The following PLCH2 variants were observed in gnomAD, a reference collection of about 807,000 sequenced individuals.
PLCH2 encodes 1-phosphatidylinositol 4,5-bisphosphate phosphodiesterase eta-2.
PLCH2 carries 98 observed loss-of-function variants against 134.7 expected under a neutral mutation model. The ratio of observed to expected loss-of-function variants is 0.73; its 90% confidence interval spans 0.62 to 0.86. The LOEUF (loss-of-function observed/expected upper bound fraction) is 0.86, where lower values mean the gene tolerates loss of function less well. Ranked by LOEUF, PLCH2 falls within the 40% of genes least tolerant of loss-of-function variation. The pLI is 0.00. For synonymous variants in PLCH2, 974 were observed against 827.5 expected (o/e 1.18, Z -3.04); for missense variants, 1,994 against 1,986.6 (o/e 1.00, Z -0.07).
At chr1:2,489,123 A>T in intron 8 of PLCH2, 84 bp from the exon 9 acceptor site, 3 of 1,247,030 alleles carry the variant, frequency 2.4e-6, no homozygotes, top group Non-Finnish European at 3.4e-6. Context: ...AATGGTTTAG[A>T]TGACCTGGGA....
chr1:2,486,847 C>T, intron 5 of PLCH2, 60 bp from the exon 6 acceptor site: 2 of 1,350,214 alleles, frequency 1.5e-6, no homozygotes, highest in Non-Finnish European at 2.1e-6. Context: ...GGGGGAGCTG[C>T]CTGAGGCTAT....
rs368430258 is a variant in PLCH2, at chr1:2,489,372, C to T, written c.1401C>T (p.Leu467=). The change falls in exon 9 of 22, where the codon CTC becomes CTT. Residue 467 remains leucine (L), a synonymous_variant. Coordinates refer to ENST00000378486, the MANE Select transcript of PLCH2 (RefSeq NM_014638.4). ...PSPQMLKGKI[L]VKGKKLPANI... is the part of the protein sequence containing the mutation. ...CACAGATGCTCAAGGGCAAGATCCTCGTGAAGGTGAGTGAGCCCCTGCCCT... is the reference window on the plus strand; with the variant it reads ...CACAGATGCTCAAGGGCAAGATCCTTGTGAAGGTGAGTGAGCCCCTGCCCT... 185 of 1,613,508 alleles carry T rather than the reference C, an allele frequency of 1.1e-4. 1 individual carries two copies. In the East Asian group the frequency reaches 2.1e-3, roughly 19 times the overall value.
chr1:2,492,066 G>A (rs974562755), intron 11 of PLCH2, among the ~76,000 whole-genome samples: 12 of 152,236 alleles, frequency 7.9e-5, no homozygotes, highest in Admixed American at 1.3e-4. Context: ...CTGGTGCCTG[G>A]AGAGCCCTAC....
Position 2,504,715 on chromosome 1 carries a change from T to C in PLCH2, c.3753T>C (p.Ala1251=). 3 of 1,612,552 alleles carry C rather than the reference T, an allele frequency of 1.9e-6. No individual in the cohort carries two copies. The highest frequency in any genetic ancestry group is 2.5e-6 in the Non-Finnish European group (3 of 1,179,784). Residue 1251 remains alanine, a synonymous_variant, in exon 22 of 22, where the codon GCT becomes GCC. Transcript: ENST00000378486. ...TGGGCGTGCAGGACTGCCCCGTGGC[T>C]GCCAAGTCCAAGAGCCTGGGCGACC... ...SLVGVQDCPV[A]AKSKSLGDLT... is the part of the protein sequence containing the mutation.
At chr1:2,416,060 C>CG in the PLCH2 span, among the ~76,000 whole-genome samples, 1 of 152,206 alleles carries the variant, frequency 6.6e-6, no homozygotes, top group Non-Finnish European at 1.5e-5. Context: ...TGGGCAGCCC[C>CG]GCAGGTGATC....
upstream of PLCH2, among the ~76,000 whole-genome samples, chr1:2,472,446 G>C (rs938584310): frequency 3.3e-5 from 5 of 152,210 alleles, no homozygotes; most frequent in Admixed American, 2.0e-4. Context: ...CGAGGGGCAG[G>C]GGGGCGCGGA....
chr1:2,479,566 G>T, intron 2 of PLCH2, 168 bp from the exon 3 acceptor site: 1 of 642,852 alleles, frequency 1.6e-6, no homozygotes, highest in Non-Finnish European at 2.7e-6. Context: ...GTGCAGTCTC[G>T]CAGATCTTCA....
intron 1 of PLCH2, among the ~76,000 whole-genome samples, chr1:2,468,723 A>G (rs1641188740): frequency 6.6e-6 from 1 of 152,154 alleles, no homozygotes; most frequent in Admixed American, 6.5e-5. Flanking sequence ...ATTGGCATGG[A>G]CACGTGGGGT....
At chr1:2,469,781 G>A (rs965944414) in intron 1 of PLCH2, among the ~76,000 whole-genome samples, 2 of 152,214 alleles carry the variant, frequency 1.3e-5, no homozygotes, top group Non-Finnish European at 2.9e-5. Flanking sequence ...GTGGGCGCGG[G>A]CCTCCCGTGT....
At position 2,490,172 on chromosome 1, in the gene PLCH2, GGGTCC is replaced by G. The variant is rs1642495564; in HGVS notation, c.1515+306_1515+310del. ...GTAAGTGGGGGCAGCACTGGGGGCT[GGGTCC>G]CACGCCAGACTCCACCCCATTCCCA... On this transcript the variant is annotated intron_variant, in intron 10 of 21. Coordinates refer to ENST00000378486, the MANE Select transcript of PLCH2 (RefSeq NM_014638.4). 4.6e-5 allele frequency among the ~76,000 whole-genome samples: 7 copies of G among 152,306 alleles called. No individual in the cohort carries two copies. The South Asian group carries it at 1.4e-3, about 32-fold the overall frequency.
intron 2 of PLCH2, among the ~76,000 whole-genome samples, chr1:2,446,715 C>T (rs1639960399): frequency 6.6e-6 from 1 of 152,222 alleles, no homozygotes; most frequent in Non-Finnish European, 1.5e-5. Context: ...TGAGAGCTGG[C>T]CAACCTGGGC....
At chr1:2,441,262 G>A (rs1639680140) in intron 2 of PLCH2, among the ~76,000 whole-genome samples, 1 of 152,230 alleles carries the variant, frequency 6.6e-6, no homozygotes. Flanking sequence ...TGAAGCCTCA[G>A]AAGCGAAGAG....
chr1:2,499,437 A>G (rs992065897), intron 19 of PLCH2, among the ~76,000 whole-genome samples: 13 of 151,650 alleles, frequency 8.6e-5, no homozygotes, highest in African/African-American at 2.9e-4. Flanking sequence ...ACCCCCAGGA[A>G]GAGGTCCCTG....
rs1639857116 is a variant in PLCH2, at chr1:2,444,675, C to T, written c.115+14046C>T. Reference sequence around the variant, plus strand: ...GATAAGAGGCTTCCCCTCCCCTCCGCTCCCCGCCTCCCACACTGTCTGGTG... The same window carrying T: ...GATAAGAGGCTTCCCCTCCCCTCCGTTCCCCGCCTCCCACACTGTCTGGTG... On this transcript the variant is annotated intron_variant, in intron 2 of 3. Coordinates refer to the PLCH2 transcript ENST00000609981. This position sits in a 1 kb window ranked among gnomAD's most constrained non-coding sequence, Gnocchi z 4.6. 6.6e-6 allele frequency among the ~76,000 whole-genome samples: 1 copy of T among 152,146 alleles called. No individual in the cohort carries two copies. Among genetic ancestry groups the T allele is most frequent in the Non-Finnish European group, 1.5e-5 (1 of 67,998 alleles).
At chr1:2,433,625 C>A (rs188366095) in intron 2 of PLCH2, among the ~76,000 whole-genome samples, 1 of 152,224 alleles carries the variant, frequency 6.6e-6, no homozygotes, top group Admixed American at 6.5e-5. Flanking sequence ...CGTTTTCCTT[C>A]GGACTCTACA....
At chr1:2,503,193 G>C in intron 21 of PLCH2, 1 of 595,620 alleles carries the variant, frequency 1.7e-6, no homozygotes, top group Admixed American at 2.6e-5. Flanking sequence ...TCTGGGGCCG[G>C]GACTGTGGCC....
At chr1:2,494,752 C>T (rs1642782870) in intron 11 of PLCH2, 104 bp from the exon 12 acceptor site, 1 of 786,816 alleles carries the variant, frequency 1.3e-6, no homozygotes, top group South Asian at 1.4e-5. Context: ...GGCTCAAGCC[C>T]ACCTCTTCCA....
At chr1:2,475,922 T>C (rs1641590070), upstream of PLCH2, among the ~76,000 whole-genome samples, 1 of 152,058 alleles carries the variant, frequency 6.6e-6, no homozygotes, top group East Asian at 1.9e-4. Context: ...CTCTGGACTT[T>C]GGGGATCCAC....
chr1:2,469,177 C>G (rs1641209617), intron 1 of PLCH2, among the ~76,000 whole-genome samples: 1 of 152,236 alleles, frequency 6.6e-6, no homozygotes, highest in Non-Finnish European at 1.5e-5. Flanking sequence ...CCTGGAGTCA[C>G]TGCCCTGTGC....
Sources: gnomAD v4.1 joint callset for allele counts (sites outside exome capture counted in the v4.1 genomes callset) on GRCh38, gnomAD v4.1.1 for gene constraint, Gnocchi (gnomAD v3.1) non-coding constraint, MANE v1.5 for transcripts, NCBI Gene and HGNC (gene_info 2026-07-23, HGNC 2026-07-21) for gene names.